The following PRKN variants were observed in gnomAD, a reference collection of about 807,000 sequenced individuals.
The protein encoded by PRKN is E3 ubiquitin-protein ligase parkin.
Under a neutral mutation model 59.5 loss-of-function variants are expected in PRKN, and 56 were observed. The observed-to-expected ratio is 0.94, with a 90% CI of 0.76 to 1.18. The LOEUF (loss-of-function observed/expected upper bound fraction) is 1.18. Ranked by LOEUF, PRKN falls within the 50% of genes most tolerant of loss-of-function variation. The pLI is 0.00. For missense variants in PRKN, 657 were observed against 596.4 expected, an observed-to-expected ratio of 1.10 and a Z score of -1.06; for synonymous variants, 250 against 222.1, an observed-to-expected ratio of 1.13 and a Z score of -1.12.
chr6:161,542,251 T>C (rs866376774), intron 9 of PRKN, among the ~76,000 whole-genome samples: 1 of 152,258 alleles, frequency 6.6e-6, no homozygotes, highest in Non-Finnish European at 1.5e-5. Context: ...TTTATATTAT[T>C]GACAAGGCTT....
At chr6:162,667,419 T>TTAATAAATAAATAAA (rs1371065381) in intron 1 of PRKN, among the ~76,000 whole-genome samples, 1 of 152,088 alleles carries the variant, frequency 6.6e-6, no homozygotes, top group Admixed American at 6.5e-5. Flanking sequence ...TAAATGCATG[T>TTAATAAATAAATAAA]TAAGGTATGT....
chr6:162,478,418 C>CCTTTA (rs1792130942), intron 1 of PRKN, among the ~76,000 whole-genome samples: 3 of 152,274 alleles, frequency 2.0e-5, no homozygotes, highest in Non-Finnish European at 4.4e-5. Flanking sequence ...ACAGGAAGAC[C>CCTTTA]TTGAACTAAA....
Position 161,471,417 on chromosome 6 carries a change from T to C in PRKN, c.1083+77437A>G, listed in dbSNP as rs1790784662. ...AATATTCAATAAGTTCCCAGTATAA[T>C]GTCAGCATTAGACTAGGATGAAAAA... is the stretch of plus-strand genomic sequence containing the variant. On this transcript the variant is annotated intron_variant, in intron 9 of 11. Coordinates refer to ENST00000366898, the MANE Select transcript of PRKN (RefSeq NM_004562.3). The surrounding 1 kb of genome is among the most constrained non-coding windows in gnomAD (Gnocchi z 4.5). 6.6e-6 allele frequency among the ~76,000 whole-genome samples: 1 copy of C among 152,102 alleles called. No homozygotes were observed.
At chr6:161,494,835 A>G (rs1274616975) in intron 9 of PRKN, among the ~76,000 whole-genome samples, 1 of 152,218 alleles carries the variant, frequency 6.6e-6, no homozygotes, top group Non-Finnish European at 1.5e-5. Flanking sequence ...CCAAGTCTCC[A>G]GGCGAACATC....
rs1789437058 is a variant in PRKN, at chr6:161,445,373, G to GC, written c.1084-58497dup. On this transcript the variant is annotated intron_variant, in intron 9 of 11. Coordinates refer to ENST00000366898, the MANE Select transcript of PRKN (RefSeq NM_004562.3). The surrounding 1 kb of genome is among the most constrained non-coding windows in gnomAD (Gnocchi z 7.7). The stretch of plus-strand genomic sequence containing the variant: ...GGGGGCTCATGAGGGGCTCAGTGGT[G>GC]CCCCTGGCCACCGAGTCAAGCAGCG... 6.6e-6 allele frequency among the ~76,000 whole-genome samples: 1 copy of GC among 152,178 alleles called. No individual in the cohort carries two copies. Among genetic ancestry groups the GC allele is most frequent in the African/African-American group, 2.4e-5 (1 of 41,448 alleles).
At position 161,696,869 on chromosome 6, in the gene PRKN, A is replaced by G. The variant is rs139754024; in HGVS notation, c.871+88903T>C. On this transcript the variant is annotated intron_variant, in intron 7 of 11. Transcript: ENST00000366898. ...CAGTCAGCCTCAGTACTAAGCATCC[A>G]ACTTCCCGATTTGCTGATTTTTTGT... 1.7e-3 allele frequency among the ~76,000 whole-genome samples: 260 copies of G among 152,324 alleles called. 1 individual carries two copies. Among genetic ancestry groups the G allele is most frequent in the African/African-American group, 6.1e-3 (255 of 41,572 alleles).
intron 6 of PRKN, among the ~76,000 whole-genome samples, chr6:161,939,960 G>A (rs897874502): frequency 2.6e-5 from 4 of 151,596 alleles, no homozygotes; most frequent in East Asian, 1.9e-4. Flanking sequence ...GTGCGATGGC[G>A]CCATCTCGGC....
chr6:162,665,449 TAAAATACCTA>T (rs1779064599), intron 1 of PRKN, among the ~76,000 whole-genome samples: 1 of 151,650 alleles, frequency 6.6e-6, no homozygotes, highest in Non-Finnish European at 1.5e-5. Flanking sequence ...ACAAAGAGAA[TAAAATACCTA>T]GGAACACAGC....
intron 1 of PRKN, among the ~76,000 whole-genome samples, chr6:162,671,394 G>A (rs1449365673): frequency 1.3e-5 from 2 of 151,772 alleles, no homozygotes; most frequent in Non-Finnish European, 2.9e-5. Flanking sequence ...AGCTACTCAC[G>A]AGGCTGAGGC....
chr6:161,809,076 G>C (rs1791454957), intron 6 of PRKN, among the ~76,000 whole-genome samples: 1 of 152,104 alleles, frequency 6.6e-6, no homozygotes, highest in Non-Finnish European at 1.5e-5. Context: ...CCTGGGCTCA[G>C]GCAGTCCGCC....
At chr6:162,463,094 C>T (rs1227444214) in intron 1 of PRKN, among the ~76,000 whole-genome samples, 5 of 139,508 alleles carry the variant, frequency 3.6e-5, no homozygotes, top group African/African-American at 6.0e-5. Context: ...AAATTAAAAA[C>T]GAAAAAAAAA....
chr6:161,610,492 T>TACAC (rs370179659), intron 7 of PRKN, among the ~76,000 whole-genome samples: 6,272 of 139,814 alleles, frequency 0.045, 175 homozygotes, highest in Non-Finnish European at 0.06. Flanking sequence ...ATATTAATAA[T>TACAC]ACACACACAC....
Position 161,770,385 on chromosome 6 carries a change from C to A in PRKN, c.871+15387G>T, listed in dbSNP as rs186924293. On this transcript the variant is annotated intron_variant, in intron 7 of 11. Coordinates refer to ENST00000366898, the MANE Select transcript of PRKN (RefSeq NM_004562.3). ...GATTGTTATAGGATAAAATGTGTACCCCCAAATTCATACATTGAAGTTCTA... is the reference window on the plus strand; with the variant it reads ...GATTGTTATAGGATAAAATGTGTACACCCAAATTCATACATTGAAGTTCTA... Among the ~76,000 whole-genome samples, 170 of 151,908 alleles carry A rather than the reference C, an allele frequency of 1.1e-3. No homozygotes were observed. The Middle Eastern group carries it at 0.017, about 15-fold the overall frequency.
intron 7 of PRKN, among the ~76,000 whole-genome samples, chr6:161,680,447 A>G (rs899735645): frequency 6.6e-6 from 1 of 152,086 alleles, no homozygotes; most frequent in Non-Finnish European, 1.5e-5. Context: ...GCCGTCCTCG[A>G]GCGTCCATTT....
intron 3 of PRKN, among the ~76,000 whole-genome samples, chr6:162,234,863 C>A (rs1288665165): frequency 6.6e-6 from 1 of 152,152 alleles, no homozygotes; most frequent in Non-Finnish European, 1.5e-5. Flanking sequence ...GACTTCAGCA[C>A]ATCGGCACAA....
chr6:162,673,113 A>T (rs750175667), intron 1 of PRKN, among the ~76,000 whole-genome samples: 1 of 152,150 alleles, frequency 6.6e-6, no homozygotes, highest in Non-Finnish European at 1.5e-5. Flanking sequence ...GTCACTGCCC[A>T]TCCATTTATT....
At chr6:162,478,389 A>T (rs954488744) in intron 1 of PRKN, among the ~76,000 whole-genome samples, 4 of 152,130 alleles carry the variant, frequency 2.6e-5, no homozygotes, top group Non-Finnish European at 4.4e-5. Context: ...CAGAAGTCAC[A>T]TGTCTGTTCA....
chr6:161,742,581 T>G (rs1409936605), intron 7 of PRKN, among the ~76,000 whole-genome samples: 1 of 152,216 alleles, frequency 6.6e-6, no homozygotes, highest in Non-Finnish European at 1.5e-5. Flanking sequence ...CAAGAACTGG[T>G]TGCTCTCCTT....
chr6:162,590,880 C>T (rs1011173503), intron 1 of PRKN, among the ~76,000 whole-genome samples: 6 of 152,098 alleles, frequency 3.9e-5, no homozygotes, highest in African/African-American at 7.2e-5. Flanking sequence ...ATTCTGGCAA[C>T]GTGGGAATGG....
Sources: gnomAD v4.1 joint callset for allele counts (sites outside exome capture counted in the v4.1 genomes callset) on GRCh38, gnomAD v4.1.1 for gene constraint, Gnocchi (gnomAD v3.1) non-coding constraint, MANE v1.5 for transcripts, NCBI Gene and HGNC (gene_info 2026-07-23, HGNC 2026-07-21) for gene names.